Variants in HTR2C observed in about 807,000 individuals in gnomAD.
HTR2C encodes the protein 5-hydroxytryptamine receptor 2C, also known as 5-hydroxytryptamine (serotonin) receptor 2C, G protein-coupled.
HTR2C carries 5 observed loss-of-function variants against 21.0 expected under a neutral mutation model. That is an observed-to-expected ratio of 0.24 (90% CI 0.12 to 0.50). The LOEUF (loss-of-function observed/expected upper bound fraction) is 0.50. Among genes scored for constraint, HTR2C ranks in the 20% least tolerant of loss-of-function variants. The probability of loss-of-function intolerance (pLI) is 0.98; values close to 1 mark genes in which losing one functional copy is unlikely to be tolerated. For missense variants in HTR2C, 271 were observed against 371.2 expected (o/e 0.73, Z 2.22); for synonymous variants, 150 against 145.3 (o/e 1.03, Z -0.23).
chrX:114,700,514 A>C (rs1932431408), intron 2 of HTR2C, among the ~76,000 whole-genome samples: 1 of 112,338 alleles, frequency 8.9e-6, no homozygotes, highest in Non-Finnish European at 1.9e-5. Flanking sequence ...AAAAGTAAAA[A>C]TGACCCAGGT....
intron 2 of HTR2C, among the ~76,000 whole-genome samples, chrX:114,654,376 T>C (rs1295225586): frequency 1.8e-5 from 2 of 108,841 alleles, no homozygotes; most frequent in Non-Finnish European, 1.9e-5. Context: ...ATTATTATCA[T>C]CAGTTAGAAG....
intron 5 of HTR2C, among the ~76,000 whole-genome samples, chrX:114,887,101 A>G (rs1232654980): frequency 8.9e-6 from 1 of 112,334 alleles, no homozygotes; most frequent in Non-Finnish European, 1.9e-5. Flanking sequence ...AAAGGAAAAA[A>G]TCAGACGGAT....
At chrX:114,713,586 T>C (rs138744202) in intron 2 of HTR2C, among the ~76,000 whole-genome samples, 1,178 of 111,426 alleles carry the variant, frequency 0.011, 21 homozygotes, top group African/African-American at 0.036. Flanking sequence ...CAGTGAGAAG[T>C]AAAAACAGAT....
rs782598931 is a variant in HTR2C at position 114,780,943 on chromosome X, A to G, written c.349+49336A>G. 5.4e-5 allele frequency among the ~76,000 whole-genome samples: 6 copies of G among 111,686 alleles called. No individual in the cohort carries two copies. The East Asian group carries it at 1.7e-3, about 31-fold the overall frequency. On this transcript the variant is annotated intron_variant, in intron 4 of 5. Coordinates refer to ENST00000276198, the MANE Select transcript of HTR2C (RefSeq NM_000868.4). ...ATCATCAGACATTATTGCTATCAAT[A>G]AAGAAAAAAACTATAAGATGAAAAA...
chrX:114,756,188 T>G (rs1044682530), intron 4 of HTR2C, among the ~76,000 whole-genome samples: 14 of 111,319 alleles, frequency 1.3e-4, no homozygotes, highest in African/African-American at 4.6e-4. Context: ...GAATAAAAAA[T>G]AGTGACAAAA....
At chrX:114,744,513 C>T (rs1556425784) in intron 4 of HTR2C, among the ~76,000 whole-genome samples, 1 of 105,184 alleles carries the variant, frequency 9.5e-6, no homozygotes, top group African/African-American at 3.5e-5. Flanking sequence ...AGTGCAATGG[C>T]TTGATCTCGG....
intron 1 of HTR2C, among the ~76,000 whole-genome samples, chrX:114,613,078 C>A (rs1208632084): frequency 9.1e-6 from 1 of 110,046 alleles, no homozygotes; most frequent in Non-Finnish European, 1.9e-5. Flanking sequence ...GCTGGAATTA[C>A]AGGTGCCCAC....
intron 1 of HTR2C, among the ~76,000 whole-genome samples, chrX:114,588,216 G>A (rs1927482395): frequency 8.9e-6 from 1 of 111,814 alleles, no homozygotes; most frequent in African/African-American, 3.2e-5. Flanking sequence ...TCTAATTTGA[G>A]AAGCACTCGA....
chrX:114,718,440 C>G (rs1209457394), intron 2 of HTR2C, among the ~76,000 whole-genome samples: 3 of 111,574 alleles, frequency 2.7e-5, no homozygotes, highest in African/African-American at 9.8e-5. Flanking sequence ...TGGCATATAG[C>G]CATATAAGCA....
chrX:114,842,334 G>A (rs2070840832), intron 4 of HTR2C, among the ~76,000 whole-genome samples: 1 of 112,202 alleles, frequency 8.9e-6, no homozygotes, highest in African/African-American at 3.2e-5. Context: ...CCCCCTGAAG[G>A]ACTGGGACAG....
At chrX:114,666,177 T>A (rs1276900826) in intron 2 of HTR2C, among the ~76,000 whole-genome samples, 1 of 111,848 alleles carries the variant, frequency 8.9e-6, no homozygotes, top group Non-Finnish European at 1.9e-5. Context: ...GAAAGCAACA[T>A]ATTAGCTGCT....
chrX:114,874,667 C>G (rs1432415741), intron 5 of HTR2C, among the ~76,000 whole-genome samples: 1 of 110,462 alleles, frequency 9.1e-6, no homozygotes, highest in Non-Finnish European at 1.9e-5. Context: ...CACCACCATG[C>G]CCGGCTAATT....
At chrX:114,754,978 G>T (rs1235147846) in intron 4 of HTR2C, among the ~76,000 whole-genome samples, 2 of 111,942 alleles carry the variant, frequency 1.8e-5, no homozygotes, top group Non-Finnish European at 3.8e-5. Context: ...GGTGGCTCAT[G>T]CCTATAATCC....
chrX:114,638,370 A>G (rs1279719283), intron 2 of HTR2C, among the ~76,000 whole-genome samples: 2 of 111,417 alleles, frequency 1.8e-5, no homozygotes, highest in East Asian at 2.8e-4. Flanking sequence ...GAGGTATGAG[A>G]TGTTATATAA....
At chrX:114,616,576 C>T (rs184978561) in intron 2 of HTR2C, among the ~76,000 whole-genome samples, 2 of 97,289 alleles carry the variant, frequency 2.1e-5, no homozygotes, top group Admixed American at 2.2e-4. Context: ...CATAAGCCAC[C>T]GCGCCCAGCA....
At chrX:114,892,049 C>G (rs2071262561) in intron 5 of HTR2C, among the ~76,000 whole-genome samples, 1 of 111,261 alleles carries the variant, frequency 9.0e-6, no homozygotes, top group Non-Finnish European at 1.9e-5. Flanking sequence ...TCATGATATA[C>G]TTTTTATATA....
chrX:114,688,765 G>T (rs1172657756), intron 2 of HTR2C, among the ~76,000 whole-genome samples: 1 of 111,492 alleles, frequency 9.0e-6, no homozygotes, highest in Non-Finnish European at 1.9e-5. Flanking sequence ...AATTTGGCTG[G>T]CCAGGGCCTA....
intron 4 of HTR2C, among the ~76,000 whole-genome samples, chrX:114,844,375 A>C (rs1357503342): frequency 9.0e-6 from 1 of 111,562 alleles, no homozygotes; most frequent in African/African-American, 3.2e-5. Context: ...AAATAATACA[A>C]AGAGAAAGAG....
At chrX:114,614,935 T>C (rs919783199) in intron 2 of HTR2C, among the ~76,000 whole-genome samples, 3 of 112,169 alleles carry the variant, frequency 2.7e-5, no homozygotes, top group Non-Finnish European at 3.8e-5. Context: ...ATCATACAAA[T>C]ATTTAATACC....
Sources: allele counts gnomAD v4.1 joint callset (sites outside exome capture counted in the v4.1 genomes callset), GRCh38; gene constraint gnomAD v4.1.1; transcripts MANE v1.5; gene names NCBI Gene and HGNC (gene_info 2026-07-23, HGNC 2026-07-21).